The following CRBN variants were observed in gnomAD, a reference collection of about 807,000 sequenced individuals.
CRBN encodes the protein cereblon.
A neutral mutation model predicts 62.2 loss-of-function variants in CRBN; 53 were observed. The observed-to-expected ratio is 0.85, with a 90% CI of 0.68 to 1.07. The LOEUF (loss-of-function observed/expected upper bound fraction) is 1.07, where lower values mean the gene tolerates loss of function less well. CRBN is among the 50% of genes least tolerant of loss of function. The probability of loss-of-function intolerance (pLI) is 0.00; values close to 1 mark genes in which losing one functional copy is unlikely to be tolerated. For synonymous variants in CRBN, 208 were observed against 176.1 expected (o/e 1.18, Z -1.43); for missense variants, 616 against 531.1 (o/e 1.16, Z -1.57).
At chr3:3,168,658 G>A (rs949230719) in intron 4 of CRBN, among the ~76,000 whole-genome samples, 1 of 152,122 alleles carries the variant, frequency 6.6e-6, no homozygotes, top group African/African-American at 2.4e-5. Context: ...GACTTCTAAA[G>A]TAGTCTTTCA....
chr3:3,167,762 C>T lies in CRBN; in HGVS notation c.559G>A (p.Glu187Lys), dbSNP rs776314373. The T allele has an allele frequency of 9.9e-6, 16 of 1,613,322 alleles. No homozygotes were observed. Among genetic ancestry groups the T allele is most frequent in the South Asian group, 3.3e-5 (3 of 91,050 alleles). The change falls in exon 5 of 11, where the codon GAA becomes AAA. Residue 187 changes from glutamate (E) to lysine (K), a missense_variant. Glu to Lys is a moderately conservative substitution (Grantham distance 56). Transcript: ENST00000231948. Reference protein sequence around the residue: ...IQQAKVQILPECVLPSTMSAV... With the variant: ...IQQAKVQILPKCVLPSTMSAV... ...GACATGGTTGAAGGCAACACACATT[C>T]GGGAAGAATTTGCACTTTAGCTTGC...
At position 3,152,453 on chromosome 3, in the gene CRBN, T is replaced by C. The variant is rs1706636090; in HGVS notation, c.1148+3A>G. The C allele has an allele frequency of 2.5e-6, 4 of 1,613,772 alleles. No homozygotes were observed. Among genetic ancestry groups the C allele is most frequent in the African/African-American group, 1.3e-5 (1 of 74,970 alleles). ...AAAAAAGCAACCACCACCATAATAT[T>C]ACCCAGGAAACCAGCTGTGTTCTGT... On this transcript the variant is annotated splice_donor_region_variant and intron_variant, in intron 10 of 10. Coordinates refer to ENST00000231948, the MANE Select transcript of CRBN (RefSeq NM_016302.4).
chr3:3,175,816 T>C (rs889530078), intron 1 of CRBN, among the ~76,000 whole-genome samples: 1 of 152,192 alleles, frequency 6.6e-6, no homozygotes, highest in African/African-American at 2.4e-5. Context: ...TTTTGTTTGA[T>C]GTAATTCCCA....
At position 3,167,719 on chromosome 3, in the gene CRBN, G is replaced by T; in HGVS notation, c.602C>A (p.Ser201Tyr). 6.2e-7 allele frequency: 1 copy of T among 1,613,494 alleles called. No individual in the cohort carries two copies. The highest frequency in any genetic ancestry group is 8.5e-7 in the Non-Finnish European group (1 of 1,179,534). ...PSTMSAVQLE[S>Y]LNKCQIFPSK... ...AGGAAATATCTGGCACTTATTGAGG[G>T]ATTCTAATTGAACTGCAGACATGGT... Residue 201 changes from serine (S) to tyrosine (Y), a missense_variant, in exon 5 of 11, where the codon TCC becomes TAC. By Grantham distance (144) the Ser-to-Tyr change is moderately radical. Transcript: ENST00000231948.
chr3:3,173,593 C>T (rs2126068152), intron 3 of CRBN, among the ~76,000 whole-genome samples: 1 of 152,248 alleles, frequency 6.6e-6, no homozygotes, highest in East Asian at 1.9e-4. Flanking sequence ...TATTTCCTGC[C>T]TCTACCGCAG....
intron 1 of CRBN, among the ~76,000 whole-genome samples, chr3:3,176,457 C>G (rs1707825578): frequency 6.6e-6 from 1 of 152,164 alleles, no homozygotes; most frequent in Admixed American, 6.5e-5. Flanking sequence ...AAATGAAGGC[C>G]AGGTGTGGTG....
chr3:3,159,412 T>C (rs1459617000), intron 5 of CRBN, among the ~76,000 whole-genome samples: 1 of 152,210 alleles, frequency 6.6e-6, no homozygotes, highest in Non-Finnish European at 1.5e-5. Flanking sequence ...ATCAGAATGG[T>C]CACTTTTGTA....
At chr3:3,162,603 T>C (rs950917780) in intron 5 of CRBN, among the ~76,000 whole-genome samples, 1 of 152,244 alleles carries the variant, frequency 6.6e-6, no homozygotes, top group Non-Finnish European at 1.5e-5. Context: ...TTTTATTTCA[T>C]GTCATTTGAG....
At chr3:3,163,694 G>A in intron 5 of CRBN, among the ~76,000 whole-genome samples, 1 of 152,202 alleles carries the variant, frequency 6.6e-6, no homozygotes, top group African/African-American at 2.4e-5. Flanking sequence ...ACTTTGCAAA[G>A]AAGCGTTAAT....
chr3:3,177,343 T>C (rs564623581), intron 1 of CRBN, among the ~76,000 whole-genome samples: 1 of 152,326 alleles, frequency 6.6e-6, no homozygotes, highest in East Asian at 1.9e-4. Flanking sequence ...ATAAAAATGA[T>C]TTTCAATATG....
At chr3:3,167,043 C>A (rs879332828) in intron 5 of CRBN, among the ~76,000 whole-genome samples, 2 of 151,970 alleles carry the variant, frequency 1.3e-5, no homozygotes, top group Non-Finnish European at 2.9e-5. Flanking sequence ...GCACATCTCA[C>A]AAACGAGTAG....
At chr3:3,151,085 CT>C (rs1489922809) in intron 10 of CRBN, 40 bp from the exon 11 acceptor site, 3 of 1,602,394 alleles carry the variant, frequency 1.9e-6, no homozygotes, top group African/African-American at 2.7e-5. Flanking sequence ...GGAAACATTT[CT>C]GTACTCCAAG....
intron 4 of CRBN, 110 bp downstream of exon 4, chr3:3,172,666 A>T (rs1311027058): frequency 1.8e-6 from 2 of 1,116,700 alleles, no homozygotes; most frequent in Non-Finnish European, 2.7e-6. Context: ...GAAAGAGAAC[A>T]ACTAGTTAAA....
chr3:3,174,005 C>T, intron 3 of CRBN, 54 bp downstream of exon 3: 1 of 1,452,266 alleles, frequency 6.9e-7, no homozygotes, highest in Admixed American at 1.7e-5. Flanking sequence ...ACACTGACCA[C>T]TGCAATTACC....
intron 10 of CRBN, 109 bp from the exon 11 acceptor site, chr3:3,151,154 G>C (rs1706514714): frequency 8.6e-7 from 1 of 1,163,624 alleles, no homozygotes; most frequent in Non-Finnish European, 1.2e-6. Context: ...AAGGATTAGA[G>C]ATTCTAAGTT....
chr3:3,156,094 A>T, intron 6 of CRBN, 125 bp downstream of exon 6: 1 of 826,776 alleles, frequency 1.2e-6, no homozygotes, highest in Non-Finnish European at 2.0e-6. Flanking sequence ...GTGAGCCACC[A>T]CTCTTAACGA....
chr3:3,167,547 T>C, intron 5 of CRBN, 87 bp downstream of exon 5: 1 of 1,307,468 alleles, frequency 7.6e-7, no homozygotes, highest in Non-Finnish European at 1.1e-6. Context: ...GGGTAATGAA[T>C]CATGAAAGTT....
intron 10 of CRBN, among the ~76,000 whole-genome samples, chr3:3,152,036 A>C (rs1420068318): frequency 6.6e-6 from 1 of 152,238 alleles, no homozygotes; most frequent in Non-Finnish European, 1.5e-5. Flanking sequence ...TGGATACAGT[A>C]ATCTGAGGAC....
At chr3:3,164,537 G>C (rs1278041414) in intron 5 of CRBN, among the ~76,000 whole-genome samples, 1 of 152,162 alleles carries the variant, frequency 6.6e-6, no homozygotes, top group East Asian at 1.9e-4. Flanking sequence ...AAAAATCCTA[G>C]GGCCCTTTAA....
Sources: allele counts gnomAD v4.1 joint callset (sites outside exome capture counted in the v4.1 genomes callset), GRCh38; gene constraint gnomAD v4.1.1; transcripts MANE v1.5; gene names NCBI Gene and HGNC (gene_info 2026-07-23, HGNC 2026-07-21).